Variants in KIRREL3 observed in about 807,000 individuals in gnomAD.
KIRREL3 encodes the protein kin of IRRE-like protein 3.
Under a neutral mutation model 89.7 loss-of-function variants are expected in KIRREL3, and 36 were observed. That is an observed-to-expected ratio of 0.40 (90% CI 0.31 to 0.53). The LOEUF is 0.53. Among genes scored for constraint, KIRREL3 ranks in the 20% least tolerant of loss-of-function variants. The pLI is 0.49. For missense variants in KIRREL3, 864 were observed against 1,056.6 expected, an observed-to-expected ratio of 0.82 and a Z score of 2.53; for synonymous variants, 445 against 441.4, an observed-to-expected ratio of 1.01 and a Z score of -0.10.
chr11:126,762,947 T>C (rs1259053145), intron 1 of KIRREL3, among the ~76,000 whole-genome samples: 2 of 152,168 alleles, frequency 1.3e-5, no homozygotes, highest in Admixed American at 6.5e-5. Flanking sequence ...TTCTCCTTTG[T>C]TTCATTTCCC....
chr11:126,851,261 A>C (rs899736265), intron 1 of KIRREL3, among the ~76,000 whole-genome samples: 1 of 152,184 alleles, frequency 6.6e-6, no homozygotes, highest in Non-Finnish European at 1.5e-5. Context: ...CTTCACTTAG[A>C]TGATGTGCTG....
At chr11:126,517,136 A>AAGAGAGAAAGAGAGAGAG (rs1958437696) in intron 4 of KIRREL3, among the ~76,000 whole-genome samples, 14 of 140,806 alleles carry the variant, frequency 9.9e-5, no homozygotes, top group Non-Finnish European at 2.2e-4. Context: ...GAGAGAGAGA[A>AAGAGAGAAAGAGAGAGAG]AGAGAGAGAG....
intron 1 of KIRREL3, among the ~76,000 whole-genome samples, chr11:126,567,092 T>G (rs1162927304): frequency 2.6e-5 from 4 of 152,194 alleles, no homozygotes; most frequent in African/African-American, 7.2e-5. Flanking sequence ...GGGACAGTGC[T>G]ATAGGTCGAA....
At chr11:126,447,763 T>C (rs1955878762) in intron 8 of KIRREL3, among the ~76,000 whole-genome samples, 1 of 152,196 alleles carries the variant, frequency 6.6e-6, no homozygotes, top group Non-Finnish European at 1.5e-5. Flanking sequence ...GCCTGAAGCC[T>C]GGTGCCAGGA....
rs1341889411 is a variant in KIRREL3 at position 126,429,004 on chromosome 11, A to ACACACTC, written c.1806+168_1806+174dup. Among the ~76,000 whole-genome samples, 1 of 152,222 alleles carries ACACACTC rather than the reference A, an allele frequency of 6.6e-6. No individual in the cohort carries two copies. On this transcript the variant is annotated intron_variant, in intron 15 of 16. Transcript: ENST00000525144. The surrounding 1 kb of genome is among the most constrained non-coding windows in gnomAD (Gnocchi z 5.2). Reference sequence around the variant, plus strand: ...AGAACACAAGCACAGTACAGCAGGCACACACTCACATTTGTTGGCTGAGAG... The same window carrying ACACACTC: ...AGAACACAAGCACAGTACAGCAGGCACACACTCCACACTCACATTTGTTGGCTGAGAG...
rs1024296626 is a variant in KIRREL3, at chr11:126,563,747, A to C, written c.56-835T>G. 3.9e-5 allele frequency among the ~76,000 whole-genome samples: 6 copies of C among 152,198 alleles called. No individual in the cohort carries two copies. The highest frequency in any genetic ancestry group is 7.3e-5 in the Non-Finnish European group (5 of 68,032). ...TGTCCATTGTGTGTGTGAGCATTAA[A>C]TTGGAGTCCATCTGCCTCACAAGAA... On this transcript the variant is annotated intron_variant, in intron 1 of 16. Transcript: ENST00000525144. This position sits in a 1 kb window ranked among gnomAD's most constrained non-coding sequence, Gnocchi z 6.8.
rs1458061063 is a variant in KIRREL3, at chr11:126,891,570, C to T, written c.55+108885G>A. 6.6e-6 allele frequency among the ~76,000 whole-genome samples: 1 copy of T among 152,246 alleles called. No homozygotes were observed. Among genetic ancestry groups the T allele is most frequent in the African/African-American group, 2.4e-5 (1 of 41,466 alleles). On this transcript the variant is annotated intron_variant, in intron 1 of 16. Coordinates refer to ENST00000525144, the MANE Select transcript of KIRREL3 (RefSeq NM_032531.4). This position sits in a 1 kb window ranked among gnomAD's most constrained non-coding sequence, Gnocchi z 5.1. ...CAGGGTGCTCCGACTGTTAGTCTGT[C>T]CTGCTATCACTATCACTGTCAGGGA...
chr11:126,863,364 T>A (rs1944768361), intron 1 of KIRREL3, among the ~76,000 whole-genome samples: 1 of 151,098 alleles, frequency 6.6e-6, no homozygotes, highest in Non-Finnish European at 1.5e-5. Flanking sequence ...TGAGTGTGTG[T>A]TTGAGTGCGT....
chr11:126,777,626 G>A (rs542613822), intron 1 of KIRREL3, among the ~76,000 whole-genome samples: 1 of 152,200 alleles, frequency 6.6e-6, no homozygotes, highest in Non-Finnish European at 1.5e-5. Flanking sequence ...AGAACTAGCA[G>A]CCCAAAGCAA....
In KIRREL3 at chr11:126,498,740, T is replaced by C. The variant is rs11220523; in HGVS notation, c.433+22575A>G. On this transcript the variant is annotated intron_variant, in intron 4 of 16. Coordinates refer to ENST00000525144, the MANE Select transcript of KIRREL3 (RefSeq NM_032531.4). The surrounding 1 kb of genome is among the most constrained non-coding windows in gnomAD (Gnocchi z 4.3). The stretch of plus-strand genomic sequence containing the variant: ...CCTGGCGTCCCAGTATCCTGCTTCC[T>C]GGGAGGAGCACCTTCCCTTCTGCAC... 2.0e-4 allele frequency among the ~76,000 whole-genome samples: 30 copies of C among 152,314 alleles called. No individual in the cohort carries two copies. The highest frequency in any genetic ancestry group is 3.4e-4 in the Non-Finnish European group (23 of 68,036).
Position 126,528,902 on chromosome 11 carries a change from CTAA to C in KIRREL3, c.134-2218_134-2216del, listed in dbSNP as rs951701545. 6.6e-6 allele frequency among the ~76,000 whole-genome samples: 1 copy of C among 151,950 alleles called. No individual in the cohort carries two copies. Among genetic ancestry groups the C allele is most frequent in the Non-Finnish European group, 1.5e-5 (1 of 67,982 alleles). ...GACTCCTTCTCTGGCTCCTTTTACT[CTAA>C]TGATGATTTCACAGCTCATCCTTTT... On this transcript the variant is annotated intron_variant, in intron 2 of 16. Transcript: ENST00000525144. The surrounding 1 kb of genome is among the most constrained non-coding windows in gnomAD (Gnocchi z 4.6).
At chr11:126,968,579 A>G (rs180882181) in intron 1 of KIRREL3, among the ~76,000 whole-genome samples, 1 of 152,368 alleles carries the variant, frequency 6.6e-6, no homozygotes, top group East Asian at 1.9e-4. Flanking sequence ...AATGGGGCAC[A>G]TATAAATGCT....
chr11:126,619,920 G>A (rs188622273), intron 1 of KIRREL3, among the ~76,000 whole-genome samples: 3 of 152,282 alleles, frequency 2.0e-5, no homozygotes, highest in African/African-American at 7.2e-5. Context: ...CCTGTCCCAT[G>A]ACTTCATTCC....
rs1947938811 is a variant in KIRREL3, at chr11:126,931,296, G to T, written c.55+69159C>A. ...GGATGTACTGAAATCAAGATTGAATGAATGAATGAATGGATAGACTGGAAT... is the reference window on the plus strand; with the variant it reads ...GGATGTACTGAAATCAAGATTGAATTAATGAATGAATGGATAGACTGGAAT... On this transcript the variant is annotated intron_variant, in intron 1 of 16. Coordinates refer to ENST00000525144, the MANE Select transcript of KIRREL3 (RefSeq NM_032531.4). The surrounding 1 kb of genome is among the most constrained non-coding windows in gnomAD (Gnocchi z 5.1). Among the ~76,000 whole-genome samples, 1 of 152,188 alleles carries T rather than the reference G, an allele frequency of 6.6e-6. No homozygotes were observed. Among genetic ancestry groups the T allele is most frequent in the Admixed American group, 6.5e-5 (1 of 15,280 alleles).
rs1009914046 is a variant in KIRREL3, at chr11:126,640,888, T to G, written c.56-77976A>C. Among the ~76,000 whole-genome samples the G allele has an allele frequency of 1.1e-4, 16 of 152,186 alleles. No individual in the cohort carries two copies. The highest frequency in any genetic ancestry group is 1.8e-4 in the Non-Finnish European group (12 of 68,014). ...GTCCTTGGATCTCTTCTCAATCTTATGGCTTTAAACACCGACTCTACTCTG... is the reference window on the plus strand; with the variant it reads ...GTCCTTGGATCTCTTCTCAATCTTAGGGCTTTAAACACCGACTCTACTCTG... On this transcript the variant is annotated intron_variant, in intron 1 of 16. Transcript: ENST00000525144. This position sits in a 1 kb window ranked among gnomAD's most constrained non-coding sequence, Gnocchi z 4.9.
rs1297208233 is a variant in KIRREL3, at chr11:126,531,121, C to T, written c.134-4434G>A. ...GGGATTACGAGCGTGAGCCACCATG[C>T]CCGGCCCCATGCTTTGTTTTGAGTC... On this transcript the variant is annotated intron_variant, in intron 2 of 16. Coordinates refer to ENST00000525144, the MANE Select transcript of KIRREL3 (RefSeq NM_032531.4). This position sits in a 1 kb window ranked among gnomAD's most constrained non-coding sequence, Gnocchi z 4.7. Among the ~76,000 whole-genome samples, 1 of 152,196 alleles carries T rather than the reference C, an allele frequency of 6.6e-6. No homozygotes were observed. The highest frequency in any genetic ancestry group is 6.5e-5 in the Admixed American group (1 of 15,284).
chr11:126,891,326 C>T lies in KIRREL3; in HGVS notation c.55+109129G>A, dbSNP rs1945911662. Among the ~76,000 whole-genome samples, 1 of 152,106 alleles carries T rather than the reference C, an allele frequency of 6.6e-6. No individual in the cohort carries two copies. The highest frequency in any genetic ancestry group is 1.5e-5 in the Non-Finnish European group (1 of 68,032). On this transcript the variant is annotated intron_variant, in intron 1 of 16. Coordinates refer to ENST00000525144, the MANE Select transcript of KIRREL3 (RefSeq NM_032531.4). The surrounding 1 kb of genome is among the most constrained non-coding windows in gnomAD (Gnocchi z 5.1). ...CACTGTCTGACTCTGATAATGACTT[C>T]CCAGAGTTTCAGACATTGGTGGAAA... is the stretch of plus-strand genomic sequence containing the variant.
chr11:126,904,907 A>G lies in KIRREL3; in HGVS notation c.55+95548T>C, dbSNP rs1298624815. On this transcript the variant is annotated intron_variant, in intron 1 of 16. Coordinates refer to ENST00000525144, the MANE Select transcript of KIRREL3 (RefSeq NM_032531.4). This position sits in a 1 kb window ranked among gnomAD's most constrained non-coding sequence, Gnocchi z 4.4. Reference sequence around the variant, plus strand: ...AGGACAACTCCAAGTATAGCTAAGTATATAATAAATAACTGACTATCCATG... The same window carrying G: ...AGGACAACTCCAAGTATAGCTAAGTGTATAATAAATAACTGACTATCCATG... Among the ~76,000 whole-genome samples the G allele has an allele frequency of 6.6e-6, 1 of 151,908 alleles. No homozygotes were observed. The highest frequency in any genetic ancestry group is 1.5e-5 in the Non-Finnish European group (1 of 68,006).
chr11:126,919,050 T>C (rs1947162106), intron 1 of KIRREL3, among the ~76,000 whole-genome samples: 1 of 150,876 alleles, frequency 6.6e-6, no homozygotes, highest in South Asian at 2.1e-4. Context: ...ATATTATATA[T>C]AATATGATGT....
Sources: allele counts gnomAD v4.1 joint callset (sites outside exome capture counted in the v4.1 genomes callset), GRCh38; gene constraint gnomAD v4.1.1; non-coding constraint Gnocchi (gnomAD v3.1); transcripts MANE v1.5; gene names NCBI Gene and HGNC (gene_info 2026-07-23, HGNC 2026-07-21).